The following ADGRE3 variants were observed in gnomAD, a reference collection of about 807,000 sequenced individuals.
The protein encoded by ADGRE3 is EGF-like module receptor 3.
ADGRE3 carries 88 observed loss-of-function variants against 80.1 expected under a neutral mutation model. That is an observed-to-expected ratio of 1.10 (90% CI 0.93 to 1.31). The LOEUF is 1.31. Among genes scored for constraint, ADGRE3 ranks in the 40% most tolerant of loss-of-function variants. The pLI is 0.00. For missense variants in ADGRE3, 715 were observed against 776.5 expected, an observed-to-expected ratio of 0.92 and a Z score of 0.94; for synonymous variants, 281 against 294.8, an observed-to-expected ratio of 0.95 and a Z score of 0.48.
At chr19:14,625,667 G>A in intron 14 of ADGRE3, 68 bp from the exon 15 acceptor site, 1 of 891,820 alleles carries the variant, frequency 1.1e-6, no homozygotes, top group Non-Finnish European at 1.9e-6. Flanking sequence ...AGGTCGGTGA[G>A]TCAGGAAGAG....
intron 2 of ADGRE3, 55 bp downstream of exon 2, chr19:14,668,747 G>T (rs1180828978): frequency 6.7e-7 from 1 of 1,494,810 alleles, no homozygotes. Flanking sequence ...ACCATGAGTG[G>T]CTCCAGGTCC....
intron 5 of ADGRE3, among the ~76,000 whole-genome samples, chr19:14,655,802 A>G (rs1334458644): frequency 6.6e-6 from 1 of 151,900 alleles, no homozygotes; most frequent in Non-Finnish European, 1.5e-5. Context: ...CAAGGTAGTG[A>G]TAAGTTTGTT....
the ADGRE3 span, chr19:14,611,041 C>G: frequency 6.7e-6 from 1 of 148,530 alleles, no homozygotes; most frequent in Non-Finnish European, 1.5e-5. Context: ...AAAGTGGTGA[C>G]AGAAAAATTT....
intron 5 of ADGRE3, among the ~76,000 whole-genome samples, chr19:14,656,376 A>AAAAAAAAAAAAG (rs1971764993): frequency 1.1e-4 from 1 of 9,028 alleles, no homozygotes; most frequent in African/African-American, 5.2e-4. Flanking sequence ...AAAAGAAAAG[A>AAAAAAAAAAAAG]AAAAAAAAAA....
intron 14 of ADGRE3, chr19:14,628,772 C>A (rs946179347): frequency 1.3e-5 from 4 of 297,712 alleles, no homozygotes; most frequent in South Asian, 3.3e-5. Context: ...CTGTGTGATC[C>A]TGGAATGTGA....
intron 10 of ADGRE3, among the ~76,000 whole-genome samples, chr19:14,640,796 T>C (rs993248685): frequency 5.9e-5 from 9 of 152,190 alleles, no homozygotes; most frequent in East Asian, 1.9e-4. Flanking sequence ...TGGTAGGAAA[T>C]AAATTTCACG....
chr19:14,651,296 TCCCA>T, intron 6 of ADGRE3, 92 bp from the exon 7 acceptor site: 1 of 1,371,468 alleles, frequency 7.3e-7, no homozygotes, highest in Non-Finnish European at 1.0e-6. Context: ...ATGCCTGTAG[TCCCA>T]ACTACTCAAG....
intron 11 of ADGRE3, among the ~76,000 whole-genome samples, chr19:14,633,708 AAAAATAAAAT>A (rs371090073): frequency 0.12 from 14,796 of 123,584 alleles, 1,192 homozygotes; most frequent in African/African-American, 0.18. Context: ...CCGTCTCAAA[AAAAATAAAAT>A]AAAATAAAAT....
chr19:14,646,698 T>TCCTC (rs1264212276), intron 8 of ADGRE3, among the ~76,000 whole-genome samples: 1 of 109,522 alleles, frequency 9.1e-6, no homozygotes, highest in Non-Finnish European at 1.8e-5. Context: ...CCTCCCTCCT[T>TCCTC]CCTTCCTTCC....
At chr19:14,652,497 T>C (rs1055224090) in intron 6 of ADGRE3, among the ~76,000 whole-genome samples, 11 of 151,836 alleles carry the variant, frequency 7.2e-5, no homozygotes, top group Admixed American at 2.0e-4. Flanking sequence ...CACTATTTTA[T>C]GGCTGGGTGC....
intron 2 of ADGRE3, among the ~76,000 whole-genome samples, chr19:14,665,132 C>G (rs930199503): frequency 7.5e-6 from 1 of 134,216 alleles, no homozygotes; most frequent in South Asian, 2.3e-4. Context: ...GGTGTGATAT[C>G]GGCTCACTGC....
chr19:14,656,886 A>G (rs1971781450), intron 5 of ADGRE3, among the ~76,000 whole-genome samples: 1 of 151,942 alleles, frequency 6.6e-6, no homozygotes, highest in Non-Finnish European at 1.5e-5. Flanking sequence ...TAACTCCTAT[A>G]TCATTGTGTA....
chr19:14,656,313 C>G (rs1195372937), intron 5 of ADGRE3, among the ~76,000 whole-genome samples: 1 of 139,514 alleles, frequency 7.2e-6, no homozygotes, highest in Non-Finnish European at 1.5e-5. Context: ...GAGATCACAT[C>G]ACTGCACTCC....
At chr19:14,634,870 A>C (rs889612429) in intron 11 of ADGRE3, among the ~76,000 whole-genome samples, 2 of 152,138 alleles carry the variant, frequency 1.3e-5, no homozygotes, top group Non-Finnish European at 2.9e-5. Context: ...GGCTACAAGA[A>C]AACCCACGCT....
At chr19:14,619,732 G>T (rs140154147) in intron 15 of ADGRE3, among the ~76,000 whole-genome samples, 98 of 152,256 alleles carry the variant, frequency 6.4e-4, no homozygotes, top group African/African-American at 2.3e-3. Context: ...TGGAATTTCA[G>T]CCCCCTGGAT....
chr19:14,656,568 C>T (rs1372162912), intron 5 of ADGRE3, among the ~76,000 whole-genome samples: 3 of 152,032 alleles, frequency 2.0e-5, no homozygotes. Context: ...ACTTACTGCT[C>T]GGGGAAGGCT....
At chr19:14,624,415 ATTATT>A in intron 15 of ADGRE3, among the ~76,000 whole-genome samples, 1 of 151,938 alleles carries the variant, frequency 6.6e-6, no homozygotes, top group Non-Finnish European at 1.5e-5. Context: ...TTTTATTATT[ATTATT>A]TTACATTGTG....
At chr19:14,639,716 C>T (rs1420123098) in intron 10 of ADGRE3, among the ~76,000 whole-genome samples, 1 of 152,030 alleles carries the variant, frequency 6.6e-6, no homozygotes, top group African/African-American at 2.4e-5. Flanking sequence ...GTGTCTGGCC[C>T]AAGGGATTAT....
intron 8 of ADGRE3, among the ~76,000 whole-genome samples, chr19:14,646,155 A>T (rs556702951): frequency 6.6e-6 from 1 of 151,998 alleles, no homozygotes; most frequent in Non-Finnish European, 1.5e-5. Context: ...ACGGAGTCTG[A>T]CTCTGTTGCC....
Sources: gnomAD v4.1 joint callset for allele counts (sites outside exome capture counted in the v4.1 genomes callset) on GRCh38, gnomAD v4.1.1 for gene constraint, MANE v1.5 for transcripts, NCBI Gene and HGNC (gene_info 2026-07-23, HGNC 2026-07-21) for gene names.